The following MUC12 variants were observed in gnomAD, a reference collection of about 807,000 sequenced individuals.
MUC12 encodes mucin 12, cell surface associated.
In MUC12, 172 loss-of-function variants were observed where a neutral mutation model predicts 230.8. The observed-to-expected ratio is 0.75, with a 90% CI of 0.66 to 0.85. MUC12 has a LOEUF of 0.85. Among genes scored for constraint, MUC12 ranks in the 40% least tolerant of loss-of-function variants. The pLI is 0.00. For missense variants in MUC12, 3,506 were observed against 5,920.6 expected (o/e 0.59, Z 13.38); for synonymous variants, 1,259 against 2,401.9 (o/e 0.52, Z 13.91).
Position 100,990,944 on chromosome 7 carries a change from T to A in MUC12, c.381T>A (p.Ser127Arg), listed in dbSNP as rs1037896951. 1 of 1,537,840 alleles carries A rather than the reference T, an allele frequency of 6.5e-7. No homozygotes were observed. The highest frequency in any genetic ancestry group is 2.0e-5 in the Admixed American group (1 of 50,986). ...TGGAAACAACAGCGTTACCTGGCAG[T>A]ACCACAACAGCAGGCCTGAGTGAGA... ...ASMETTALPG[S>R]TTTAGLSEKS... The change falls in exon 2 of 12, where the codon AGT becomes AGA. Residue 127 changes from serine to arginine, a missense_variant. Transcript: ENST00000536621.
In MUC12 at chr7:100,970,530, A is replaced by G. The variant is rs537450525; in HGVS notation, c.67+841A>G. 4.0e-5 allele frequency among the ~76,000 whole-genome samples: 6 copies of G among 151,666 alleles called. No homozygotes were observed. In the East Asian group the frequency reaches 1.2e-3, roughly 30 times the overall value. On this transcript the variant is annotated intron_variant, in intron 1 of 11. Coordinates refer to ENST00000536621, the MANE Select transcript of MUC12 (RefSeq NM_001164462.2). ...GAAAGAAAGAGAGAAATAAAGAAAG[A>G]AGGAAGGAAAGAAAAAAAAGAAAGG...
chr7:100,992,636 C>T lies in MUC12; in HGVS notation c.2073C>T (p.Ser691=). 6.5e-7 allele frequency: 1 copy of T among 1,537,638 alleles called. No homozygotes were observed. Among genetic ancestry groups the T allele is most frequent in the South Asian group, 1.2e-5 (1 of 84,064 alleles). ...TTGAAGAATCTACGACCTACCACAGCAGCCCGGGCTCAACTCAAACAATGC... is the reference window on the plus strand; with the variant it reads ...TTGAAGAATCTACGACCTACCACAGTAGCCCGGGCTCAACTCAAACAATGC... The part of the protein sequence containing the change: ...GLVEESTTYH[S]SPGSTQTMHF... Residue 691 remains serine (S), a synonymous_variant, in exon 2 of 12, where the codon AGC becomes AGT. Transcript: ENST00000536621.
At chr7:101,017,524 A>G (rs1793950621) in intron 10 of MUC12, 51 bp from the exon 11 acceptor site, 3 of 1,149,740 alleles carry the variant, frequency 2.6e-6, no homozygotes, top group East Asian at 2.6e-5. Flanking sequence ...TCTGCCCCCT[A>G]GTCCTCCCCC....
chr7:100,970,697 C>T (rs1190325885), intron 1 of MUC12, among the ~76,000 whole-genome samples: 7 of 152,056 alleles, frequency 4.6e-5, no homozygotes, highest in Non-Finnish European at 8.8e-5. Context: ...CATGGTGAAA[C>T]CCCAACTCCA....
rs1793297924 is a variant in MUC12 at position 100,991,449 on chromosome 7, T to A, written c.886T>A (p.Ser296Thr). ...TTCGCCTGCACCTTCTGGTACCACA[T>A]CAGCCTTTGTTAAACTATCTACAAC... is the stretch of plus-strand genomic sequence containing the variant. ...DTSPAPSGTT[S>T]AFVKLSTTYH... is the part of the protein sequence containing the mutation. The change falls in exon 2 of 12, where the codon TCA (serine) becomes ACA (threonine). Residue 296 changes from serine (S) to threonine (T), a missense_variant. Ser to Thr is a moderately conservative substitution (Grantham distance 58). Transcript: ENST00000536621. 2 of 1,537,776 alleles carry A rather than the reference T, an allele frequency of 1.3e-6. No homozygotes were observed. Among genetic ancestry groups the A allele is most frequent in the Non-Finnish European group, 1.7e-6 (2 of 1,147,044 alleles).
rs1274976808 is a variant in MUC12 at position 100,992,039 on chromosome 7, A to G, written c.1476A>G (p.Lys492=). The stretch of plus-strand genomic sequence containing the variant: ...CCACAAAACCAGGCCTCAGTGAGAA[A>G]TCTACCACTTTCTACAGTAGCCCCA... The part of the protein sequence containing the change: ...GSTTKPGLSE[K]STTFYSSPRS... Residue 492 remains lysine (K), a synonymous_variant, in exon 2 of 12, where the codon AAA becomes AAG. Coordinates refer to ENST00000536621, the MANE Select transcript of MUC12 (RefSeq NM_001164462.2). 6.5e-7 allele frequency: 1 copy of G among 1,538,006 alleles called. No individual in the cohort carries two copies. The highest frequency in any genetic ancestry group is 1.2e-5 in the South Asian group (1 of 84,066).
At chr7:100,969,897 T>A (rs1450265173) in intron 1 of MUC12, among the ~76,000 whole-genome samples, 1 of 152,306 alleles carries the variant, frequency 6.6e-6, no homozygotes, top group Non-Finnish European at 1.5e-5. Context: ...CCTGTGGTTG[T>A]GCAGGGGATG....
chr7:100,986,235 C>T (rs1793187159), intron 1 of MUC12, among the ~76,000 whole-genome samples: 2 of 152,132 alleles, frequency 1.3e-5, no homozygotes, highest in South Asian at 4.1e-4. Flanking sequence ...CATGGTGGCA[C>T]ACCCCTGTAG....
intron 1 of MUC12, among the ~76,000 whole-genome samples, chr7:100,969,953 T>G (rs1792822502): frequency 1.3e-5 from 2 of 152,306 alleles, no homozygotes; most frequent in Non-Finnish European, 2.9e-5. Flanking sequence ...ATCCACAGCT[T>G]CTGCTCTCCA....
intron 8 of MUC12, among the ~76,000 whole-genome samples, chr7:101,013,449 C>A (rs1793870495): frequency 6.6e-6 from 1 of 152,170 alleles, no homozygotes; most frequent in Non-Finnish European, 1.5e-5. Flanking sequence ...CTATCTCTAT[C>A]TTTGTATCTC....
chr7:101,012,228 G>A (rs1052982472), intron 5 of MUC12, 68 bp from the exon 6 acceptor site: 4 of 1,506,918 alleles, frequency 2.7e-6, no homozygotes, highest in Non-Finnish European at 3.6e-6. Flanking sequence ...TACCACTCTG[G>A]GTGCTTGGGC....
At position 100,991,526 on chromosome 7, in the gene MUC12, C is replaced by T. The variant is rs772183754; in HGVS notation, c.963C>T (p.Ser321=). The change falls in exon 2 of 12, where the codon TCC becomes TCT. Residue 321 remains serine (S), a synonymous_variant. Coordinates refer to ENST00000536621, the MANE Select transcript of MUC12 (RefSeq NM_001164462.2). ...CAACAACCCACTTTTCTGCCAGCTC[C>T]ACAACCTTGGGCCATAGTGAGGAAT... ...STPTTHFSAS[S]TTLGHSEEST... is the part of the protein sequence containing the mutation. 2 of 1,537,184 alleles carry T rather than the reference C, an allele frequency of 1.3e-6. No homozygotes were observed. Among genetic ancestry groups the T allele is most frequent in the Non-Finnish European group, 1.7e-6 (2 of 1,146,502 alleles).
chr7:101,017,296 GCTGAACGCACGCTCCTCCGTGGCC>G, intron 10 of MUC12: 1 of 414,590 alleles, frequency 2.4e-6, no homozygotes, highest in South Asian at 3.6e-5. Flanking sequence ...TGAGTCCAGG[GCTGAACGCACGCTCCTCCGTGGCC>G]CCCGCTTCCA....
intron 1 of MUC12, among the ~76,000 whole-genome samples, chr7:100,976,448 A>AC (rs113472973): frequency 0.67 from 100,785 of 151,316 alleles, 33,747 homozygotes; most frequent in East Asian, 0.78. Flanking sequence ...TACTAAAAAT[A>AC]AAAAAATTAG....
chr7:100,991,785 G>T lies in MUC12; in HGVS notation c.1222G>T (p.Ala408Ser). 1 of 1,537,928 alleles carries T rather than the reference G, an allele frequency of 6.5e-7. No individual in the cohort carries two copies. Among genetic ancestry groups the T allele is most frequent in the Non-Finnish European group, 8.7e-7 (1 of 1,147,052 alleles). The change falls in exon 2 of 12, where the codon GCA (alanine) becomes TCA (serine). Residue 408 changes from alanine to serine, a missense_variant. Physicochemically the swap from Ala to Ser is moderately conservative, Grantham distance 99. Transcript: ENST00000536621. ...SSTPSTTAAL[A>S]HTSYHSSLGS... ...AACTCCTAGCACCACAGCTGCCCTA[G>T]CACATACAAGCTACCACAGCAGCCT...
At chr7:100,978,571 C>T (rs1405848067) in intron 1 of MUC12, among the ~76,000 whole-genome samples, 1 of 152,106 alleles carries the variant, frequency 6.6e-6, no homozygotes, top group East Asian at 1.9e-4. Flanking sequence ...AGGACCCTCC[C>T]TCCACACCCC....
chr7:100,986,690 C>T (rs1444548118), intron 1 of MUC12, among the ~76,000 whole-genome samples: 1 of 152,154 alleles, frequency 6.6e-6, no homozygotes, highest in Non-Finnish European at 1.5e-5. Context: ...GCAGAGGGTG[C>T]CTCTGCTCTG....
rs183517781 is a variant in MUC12, at chr7:101,012,432, C to T, written c.15388C>T (p.Pro5130Ser). The T allele has an allele frequency of 4.0e-5, 61 of 1,537,860 alleles. No individual in the cohort carries two copies. The East Asian group carries it at 1.3e-3, about 34-fold the overall frequency. Residue 5130 changes from proline (P) to serine (S), a missense_variant, in exon 6 of 12, where the codon CCT becomes TCT. Coordinates refer to ENST00000536621, the MANE Select transcript of MUC12 (RefSeq NM_001164462.2). ...TGAAACTAGAACAACTCTTCTTGAT[C>T]CTGATTCCTGCAGAAGTAAGCTCAC... ...MNETRTTLLD[P>S]DSCRKAILCY...
In MUC12 at chr7:100,991,524, T is replaced by G; in HGVS notation, c.961T>G (p.Ser321Ala). ...TCCAACAACCCACTTTTCTGCCAGC[T>G]CCACAACCTTGGGCCATAGTGAGGA... ...STPTTHFSASSTTLGHSEEST... is the reference protein window; with the variant it reads ...STPTTHFSASATTLGHSEEST... Residue 321 changes from serine to alanine, a missense_variant, in exon 2 of 12, where the codon TCC becomes GCC. Coordinates refer to ENST00000536621, the MANE Select transcript of MUC12 (RefSeq NM_001164462.2). 1.3e-6 allele frequency: 2 copies of G among 1,536,658 alleles called. No individual in the cohort carries two copies. The highest frequency in any genetic ancestry group is 1.7e-6 in the Non-Finnish European group (2 of 1,146,382).
Sources: allele counts gnomAD v4.1 joint callset (sites outside exome capture counted in the v4.1 genomes callset), GRCh38; gene constraint gnomAD v4.1.1; transcripts MANE v1.5; gene names NCBI Gene and HGNC (gene_info 2026-07-23, HGNC 2026-07-21).